The following IQCB1 variants were observed in gnomAD, a reference collection of about 807,000 sequenced individuals.
IQCB1 encodes the protein IQ calmodulin-binding motif-containing protein 1.
In IQCB1, 56 loss-of-function variants were observed where a neutral mutation model predicts 84.4. The observed-to-expected ratio is 0.66, with a 90% CI of 0.54 to 0.83. The LOEUF (loss-of-function observed/expected upper bound fraction) is 0.83. Ranked by LOEUF, IQCB1 falls within the 40% of genes least tolerant of loss-of-function variation. The probability of loss-of-function intolerance (pLI) is 0.00; values close to 1 mark genes in which losing one functional copy is unlikely to be tolerated. For missense variants in IQCB1, 629 were observed against 682.1 expected, an observed-to-expected ratio of 0.92 and a Z score of 0.87; for synonymous variants, 210 against 234.8, an observed-to-expected ratio of 0.89 and a Z score of 0.96.
intron 4 of IQCB1, 63 bp downstream of exon 4, chr3:121,828,407 T>C (rs1950525894): frequency 7.8e-6 from 11 of 1,415,216 alleles, no homozygotes; most frequent in Non-Finnish European, 1.0e-5. Context: ...AAAAAGCAAA[T>C]GTTGAAAATC....
At chr3:121,828,439 CA>C in intron 4 of IQCB1, 30 bp downstream of exon 4, 1 of 1,591,886 alleles carries the variant, frequency 6.3e-7, no homozygotes. Context: ...CTACATCCCT[CA>C]AGAACAGCTG....
intron 10 of IQCB1, among the ~76,000 whole-genome samples, chr3:121,791,382 G>C (rs1359216248): frequency 1.3e-5 from 2 of 152,154 alleles, no homozygotes; most frequent in Non-Finnish European, 2.9e-5. Context: ...TTGTGTGCCT[G>C]TGGTTGTTTC....
intron 4 of IQCB1, among the ~76,000 whole-genome samples, chr3:121,826,507 G>C (rs1330071833): frequency 2.0e-5 from 3 of 152,162 alleles, no homozygotes; most frequent in East Asian, 1.9e-4. Context: ...AGGATACCTT[G>C]AGAGTTTAAT....
At chr3:121,832,324 A>T in intron 2 of IQCB1, among the ~76,000 whole-genome samples, 1 of 118,642 alleles carries the variant, frequency 8.4e-6, no homozygotes, top group Non-Finnish European at 1.8e-5. Context: ...CCATAATTTT[A>T]CAATTTTTTT....
chr3:121,807,430 A>G lies in IQCB1; in HGVS notation c.501T>C (p.Asp167=), dbSNP rs1473329237. 1 of 1,515,164 alleles carries G rather than the reference A, an allele frequency of 6.6e-7. No individual in the cohort carries two copies. Among genetic ancestry groups the G allele is most frequent in the South Asian group, 1.1e-5 (1 of 88,940 alleles). The allele number at this position is 1,515,164 out of a possible 1,614,324, so 93.9% of individuals were successfully genotyped here. Residue 167 remains aspartate (D), a synonymous_variant, in exon 7 of 15, where the codon GAT becomes GAC. Coordinates refer to ENST00000310864, the MANE Select transcript of IQCB1 (RefSeq NM_001023570.4). ...CAGCTTGCAGTAAATGTAAGAAATGATCACTTTGTAGTACTAAAGGAAAAG... is the reference window on the plus strand; with the variant it reads ...CAGCTTGCAGTAAATGTAAGAAATGGTCACTTTGTAGTACTAAAGGAAAAG... ...VELIQNVLQS[D]HFLHLLQADN...
chr3:121,832,206 C>T (rs1433125467), intron 2 of IQCB1, among the ~76,000 whole-genome samples: 2 of 151,932 alleles, frequency 1.3e-5, no homozygotes, highest in African/African-American at 4.8e-5. Flanking sequence ...TTGTCTTATT[C>T]TTTTGCAGAA....
intron 12 of IQCB1, among the ~76,000 whole-genome samples, chr3:121,785,907 A>T (rs1402206973): frequency 6.6e-6 from 1 of 151,766 alleles, no homozygotes; most frequent in Non-Finnish European, 1.5e-5. Flanking sequence ...AGTGGCTCAC[A>T]TCTGTAATTC....
intron 12 of IQCB1, among the ~76,000 whole-genome samples, chr3:121,784,441 C>G (rs2108531760): frequency 6.6e-6 from 1 of 152,098 alleles, no homozygotes; most frequent in South Asian, 2.1e-4. Context: ...TCTGTGTGCT[C>G]CATTTTATAC....
intron 5 of IQCB1, among the ~76,000 whole-genome samples, chr3:121,823,145 T>C (rs567124100): frequency 1.3e-5 from 2 of 152,236 alleles, no homozygotes; most frequent in East Asian, 3.9e-4. Flanking sequence ...CTGTAGAAGA[T>C]AGGGTCAGTG....
At chr3:121,821,906 T>A (rs1434659862) in intron 5 of IQCB1, among the ~76,000 whole-genome samples, 1 of 152,238 alleles carries the variant, frequency 6.6e-6, no homozygotes, top group Non-Finnish European at 1.5e-5. Context: ...AAATTTTTAG[T>A]CTGAGTAAAG....
chr3:121,831,615 A>T (rs1413933874), intron 2 of IQCB1, among the ~76,000 whole-genome samples: 2 of 152,146 alleles, frequency 1.3e-5, no homozygotes, highest in Non-Finnish European at 2.9e-5. Context: ...ATCTCCAAGT[A>T]GACAGTGTCA....
At chr3:121,803,716 A>C (rs903884486) in intron 7 of IQCB1, among the ~76,000 whole-genome samples, 3 of 152,142 alleles carry the variant, frequency 2.0e-5, no homozygotes, top group African/African-American at 7.2e-5. Context: ...TTAGCACTAG[A>C]AATATTCTTT....
intron 13 of IQCB1, among the ~76,000 whole-genome samples, chr3:121,774,021 T>TA (rs1184694028): frequency 2.4e-4 from 37 of 152,060 alleles, no homozygotes; most frequent in Admixed American, 1.6e-3. Context: ...ATCTAAGGGA[T>TA]TAATCTCCAT....
At chr3:121,817,174 T>G (rs541928450) in intron 5 of IQCB1, among the ~76,000 whole-genome samples, 1 of 152,094 alleles carries the variant, frequency 6.6e-6, no homozygotes, top group East Asian at 1.9e-4. Context: ...AACCAAACAC[T>G]GCATGTTCTC....
At chr3:121,788,251 G>T (rs1318544775) in intron 12 of IQCB1, 33 bp downstream of exon 12, 1 of 1,608,542 alleles carries the variant, frequency 6.2e-7, no homozygotes, top group South Asian at 1.1e-5. Flanking sequence ...TTTGCCTCTT[G>T]ATTCAGAGCT....
chr3:121,831,249 T>G (rs964048075), intron 2 of IQCB1, among the ~76,000 whole-genome samples: 8 of 146,760 alleles, frequency 5.5e-5, no homozygotes, highest in Non-Finnish European at 1.2e-4. Context: ...TATGGCTCAC[T>G]GCAGCCTAGA....
At chr3:121,803,797 T>A (rs2108582334) in intron 7 of IQCB1, among the ~76,000 whole-genome samples, 1 of 152,342 alleles carries the variant, frequency 6.6e-6, no homozygotes, top group Non-Finnish European at 1.5e-5. Flanking sequence ...ACGGTATATC[T>A]TGTTCCACCC....
intron 5 of IQCB1, among the ~76,000 whole-genome samples, chr3:121,824,082 AAAACAGACTCATTTTAAG>A (rs2108632374): frequency 6.6e-6 from 1 of 152,354 alleles, no homozygotes; most frequent in African/African-American, 2.4e-5. Context: ...TACGCTATTT[AAAACAGACTCATTTTAAG>A]TATAAGACAG....
chr3:121,773,884 A>G (rs1044787193), intron 13 of IQCB1, among the ~76,000 whole-genome samples: 1 of 152,090 alleles, frequency 6.6e-6, no homozygotes, highest in Non-Finnish European at 1.5e-5. Flanking sequence ...ACAGGAAAAA[A>G]AAAACAACAA....
Sources: allele counts gnomAD v4.1 joint callset (sites outside exome capture counted in the v4.1 genomes callset), GRCh38; gene constraint gnomAD v4.1.1; transcripts MANE v1.5; gene names NCBI Gene and HGNC (gene_info 2026-07-23, HGNC 2026-07-21).